CYLD: variants seen among roughly 807,000 people sequenced by gnomAD.
CYLD encodes ubiquitin carboxyl-terminal hydrolase CYLD.
A neutral mutation model predicts 104.5 loss-of-function variants in CYLD; 26 were observed. That is an observed-to-expected ratio of 0.25 (90% CI 0.18 to 0.35). The LOEUF is 0.35. Ranked by LOEUF, CYLD falls within the 10% of genes least tolerant of loss-of-function variation. CYLD has a pLI of 1.00. For missense variants in CYLD, 703 were observed against 1,136.1 expected (o/e 0.62, Z 5.48); for synonymous variants, 385 against 399.9 (o/e 0.96, Z 0.45).
intron 3 of CYLD, among the ~76,000 whole-genome samples, chr16:50,751,377 G>C (rs1966603110): frequency 6.6e-6 from 1 of 152,168 alleles, no homozygotes; most frequent in Admixed American, 6.5e-5. Context: ...TCTCATGATA[G>C]AGTTATGAAT....
chr16:50,760,336 G>A (rs1366734630), intron 5 of CYLD, among the ~76,000 whole-genome samples: 2 of 152,046 alleles, frequency 1.3e-5, no homozygotes, highest in African/African-American at 2.4e-5. Context: ...ATTTTAAGAA[G>A]AAATCATTCA....
rs1972068077 is a variant in CYLD at position 50,796,564 on chromosome 16, T to G, written c.*56T>G. 1 of 1,565,378 alleles carries G rather than the reference T, an allele frequency of 6.4e-7. No individual in the cohort carries two copies. ...AAGGCAGAGTCCTAACGTTGCATCT[T>G]ATTCGAGCTGGCAGTTCTGTTCACG... On this transcript the variant is annotated 3_prime_UTR_variant, in exon 19 of 19. Coordinates refer to ENST00000427738, the MANE Select transcript of CYLD (RefSeq NM_001378743.1).
chr16:50,798,933 T>C lies in CYLD; in HGVS notation c.*2425T>C. On this transcript the variant is annotated 3_prime_UTR_variant, in exon 19 of 19. Coordinates refer to ENST00000427738, the MANE Select transcript of CYLD (RefSeq NM_001378743.1). Reference sequence around the variant, plus strand: ...GGGAGGCTGCGTCCTTCCCTGCTTCTGCATGTCATGAGGCAGCAGGAAGGT... The same window carrying C: ...GGGAGGCTGCGTCCTTCCCTGCTTCCGCATGTCATGAGGCAGCAGGAAGGT... 4.3e-6 allele frequency: 1 copy of C among 233,426 alleles called. No homozygotes were observed. The highest frequency in any genetic ancestry group is 6.0e-5 in the East Asian group (1 of 16,718). The allele number at this position is 233,426 out of a possible 1,614,324, so 14.5% of individuals were successfully genotyped here. A position where few individuals can be genotyped will look rare whatever the true frequency, so the allele number is the denominator to read the frequency against.
chr16:50,755,181 A>ATT (rs1967056208), intron 5 of CYLD, among the ~76,000 whole-genome samples: 3 of 144,862 alleles, frequency 2.1e-5, no homozygotes, highest in African/African-American at 7.7e-5. Flanking sequence ...ATGTGTGTGT[A>ATT]TATACACACG....
intron 14 of CYLD, among the ~76,000 whole-genome samples, chr16:50,790,506 A>T (rs1259608713): frequency 6.6e-6 from 1 of 151,914 alleles, no homozygotes; most frequent in African/African-American, 2.4e-5. Flanking sequence ...TCACAGAAAA[A>T]TTCTGGTCTT....
chr16:50,794,619 G>GAT lies in CYLD; in HGVS notation c.2686+191_2686+192insAT, dbSNP rs1555511029. The GAT allele has an allele frequency of 4.1e-6, 2 of 488,628 alleles. No individual in the cohort carries two copies. Among genetic ancestry groups the GAT allele is most frequent in the Non-Finnish European group, 7.3e-6 (2 of 274,772 alleles). The allele number at this position is 488,628 out of a possible 1,614,324, so 30.3% of individuals were successfully genotyped here. On this transcript the variant is annotated intron_variant, in intron 18 of 18. Coordinates refer to ENST00000427738, the MANE Select transcript of CYLD (RefSeq NM_001378743.1). This position sits in a 1 kb window ranked among gnomAD's most constrained non-coding sequence, Gnocchi z 4.1. ...GCTGAACTAAGGAATAATATGCTGT[G>GAT]TTTTTTTTTTTCCTTTTTTGAGATG...
rs1432619466 is a variant in CYLD at position 50,779,724 on chromosome 16, C to G, written c.1198C>G (p.Pro400Ala). 6.2e-7 allele frequency: 1 copy of G among 1,613,860 alleles called. No homozygotes were observed. Among genetic ancestry groups the G allele is most frequent in the Non-Finnish European group, 8.5e-7 (1 of 1,179,956 alleles). The part of the protein sequence containing the change: ...EISTDFDRSS[P>A]PLQPPPVNSL... Reference sequence around the variant, plus strand: ...ATCTACAGACTTTGACCGTTCTTCACCACCACTCCAGCCTCCTCCTGTGAA... The same window carrying G: ...ATCTACAGACTTTGACCGTTCTTCAGCACCACTCCAGCCTCCTCCTGTGAA... Residue 400 changes from proline (P) to alanine (A), a missense_variant, in exon 9 of 19, where the codon CCA becomes GCA. Around this residue, in one of 5 missense-constraint regions of CYLD, gnomAD observed 183 missense variants for 212.1 expected, o/e 0.86. Transcript: ENST00000427738.
intron 5 of CYLD, among the ~76,000 whole-genome samples, chr16:50,771,239 A>G (rs911344779): frequency 1.3e-5 from 2 of 152,196 alleles, no homozygotes; most frequent in African/African-American, 2.4e-5. Flanking sequence ...TATTCTGGAC[A>G]TTTCACATAA....
chr16:50,755,212 T>TAC (rs1259103779), intron 5 of CYLD, among the ~76,000 whole-genome samples: 1 of 145,860 alleles, frequency 6.9e-6, no homozygotes, highest in Non-Finnish European at 1.5e-5. Context: ...TGTGTGTATA[T>TAC]ACACACGTGT....
At chr16:50,774,831 T>C (rs999420351) in intron 5 of CYLD, among the ~76,000 whole-genome samples, 1 of 152,242 alleles carries the variant, frequency 6.6e-6, no homozygotes, top group Non-Finnish European at 1.5e-5. Context: ...GGTAAAAGTG[T>C]GGATAAGTGG....
intron 5 of CYLD, among the ~76,000 whole-genome samples, chr16:50,755,015 GTATA>G (rs1286736443): frequency 0.029 from 243 of 8,368 alleles, 4 homozygotes; most frequent in Middle Eastern, 0.071. Flanking sequence ...ACATATATAT[GTATA>G]TATACATATA....
chr16:50,770,031 A>G (rs966513987), intron 5 of CYLD, among the ~76,000 whole-genome samples: 1 of 152,048 alleles, frequency 6.6e-6, no homozygotes, highest in Non-Finnish European at 1.5e-5. Context: ...TGGATGTATC[A>G]GTTTGTTTAA....
At chr16:50,751,567 C>G (rs1456869725) in intron 3 of CYLD, 37 bp from the exon 4 acceptor site, 1 of 1,601,304 alleles carries the variant, frequency 6.2e-7, no homozygotes, top group Middle Eastern at 1.7e-4. Flanking sequence ...GATCGTCTTT[C>G]TATATCTATT....
intron 9 of CYLD, 149 bp downstream of exon 9, chr16:50,780,193 C>A: frequency 2.1e-6 from 2 of 948,128 alleles, no homozygotes; most frequent in Non-Finnish European, 3.2e-6. Flanking sequence ...TTCTGACTTC[C>A]CTTTGCCGCC....
At chr16:50,788,434 T>C (rs1971067564) in intron 14 of CYLD, among the ~76,000 whole-genome samples, 1 of 152,248 alleles carries the variant, frequency 6.6e-6, no homozygotes, top group South Asian at 2.1e-4. Flanking sequence ...GGTTTCTCTG[T>C]TGAGAATCTT....
At position 50,781,131 on chromosome 16, in the gene CYLD, C is replaced by G; in HGVS notation, c.1519-115C>G. On this transcript the variant is annotated intron_variant, in intron 9 of 18. Coordinates refer to ENST00000427738, the MANE Select transcript of CYLD (RefSeq NM_001378743.1). ...CTTGATGAGGTTCTCAGTACAGGTG[C>G]GAAGAGGGAGTGGTGAGAAAGGGTA... 7.2e-6 allele frequency: 8 copies of G among 1,109,394 alleles called. No homozygotes were observed. In the South Asian group the frequency reaches 8.7e-5, roughly 12 times the overall value. 68.7% of individuals were successfully genotyped at this position (1,109,394 alleles called of 1,614,324 possible).
intron 2 of CYLD, among the ~76,000 whole-genome samples, chr16:50,743,899 A>G (rs914986676): frequency 2.0e-5 from 3 of 152,260 alleles, no homozygotes; most frequent in Non-Finnish European, 2.9e-5. Flanking sequence ...GGCAAAATTC[A>G]TTAAATACTC....
At chr16:50,760,947 A>G (rs1445794796) in intron 5 of CYLD, among the ~76,000 whole-genome samples, 1 of 152,194 alleles carries the variant, frequency 6.6e-6, no homozygotes, top group Admixed American at 6.5e-5. Context: ...TTCCCATGAG[A>G]GTGTGTTACT....
rs1972129448 is a variant in CYLD at position 50,797,227 on chromosome 16, A to T, written c.*719A>T. On this transcript the variant is annotated 3_prime_UTR_variant, in exon 19 of 19. Transcript: ENST00000427738. ...GCAGTTGAAGCTCTTCATTCATAGTAGTTACTGTCAGCTAACAGGTTTTTT... is the reference window on the plus strand; with the variant it reads ...GCAGTTGAAGCTCTTCATTCATAGTTGTTACTGTCAGCTAACAGGTTTTTT... 1 of 232,598 alleles carries T rather than the reference A, an allele frequency of 4.3e-6. No individual in the cohort carries two copies. The highest frequency in any genetic ancestry group is 1.8e-4 in the South Asian group (1 of 5,534). The allele number at this position is 232,598 out of a possible 1,614,324, so 14.4% of individuals were successfully genotyped here.
Sources: gnomAD v4.1 joint callset for allele counts (sites outside exome capture counted in the v4.1 genomes callset) on GRCh38, gnomAD v4.1.1 for gene constraint, gnomAD v4.1.1 regional missense constraint, Gnocchi (gnomAD v3.1) non-coding constraint, MANE v1.5 for transcripts, NCBI Gene and HGNC (gene_info 2026-07-23, HGNC 2026-07-21) for gene names.